The following MCOLN1 variants were observed in gnomAD, a reference collection of about 807,000 sequenced individuals.
MCOLN1 encodes the protein mucolipin-1.
MCOLN1 carries 50 observed loss-of-function variants against 70.3 expected under a neutral mutation model. That is an observed-to-expected ratio of 0.71 (90% CI 0.57 to 0.90). The LOEUF (loss-of-function observed/expected upper bound fraction) is 0.90, where lower values mean the gene tolerates loss of function less well. MCOLN1 is among the 40% of genes least tolerant of loss of function. The pLI is 0.00. For synonymous variants in MCOLN1, 366 were observed against 341.0 expected (o/e 1.07, Z -0.81); for missense variants, 598 against 803.5 (o/e 0.74, Z 3.09).
chr19:7,529,613 G>A lies in MCOLN1; in HGVS notation c.1260G>A (p.Val420=). The part of the protein sequence containing the change: ...NYNILIATLR[V]ALPSVMRFCC... ...AGATCCTCATCGCCACACTGCGGGT[G>A]GCCCTGCCCAGCGTCATGCGCTTCT... Residue 420 remains valine, a synonymous_variant, in exon 11 of 14, where the codon GTG becomes GTA. Transcript: ENST00000264079. The A allele has an allele frequency of 6.2e-7, 1 of 1,614,044 alleles. No individual in the cohort carries two copies. Among genetic ancestry groups the A allele is most frequent in the Non-Finnish European group, 8.5e-7 (1 of 1,179,974 alleles).
chr19:7,533,945 G>T lies in MCOLN1; in HGVS notation c.*150G>T. ...GACCTTTCGTGTCGGACCCTTGGGG[G>T]CGGGGAGACTGGGTGGGGAGGGTGT... On this transcript the variant is annotated 3_prime_UTR_variant, in exon 14 of 14. Coordinates refer to ENST00000264079, the MANE Select transcript of MCOLN1 (RefSeq NM_020533.3). 1.2e-6 allele frequency: 1 copy of T among 861,744 alleles called. No homozygotes were observed. The highest frequency in any genetic ancestry group is 1.9e-6 in the Non-Finnish European group (1 of 529,646). The allele number at this position is 861,744 out of a possible 1,614,324, so 53.4% of individuals were successfully genotyped here.
At position 7,526,643 on chromosome 19, in the gene MCOLN1, G is replaced by A. The variant is rs772567008; in HGVS notation, c.405+37G>A. ...CGGGCAGGTGCTGGTGGGCAGGCAGGTGCAGGTGGGCGGGCAGGTGCAGTT... is the reference window on the plus strand; with the variant it reads ...CGGGCAGGTGCTGGTGGGCAGGCAGATGCAGGTGGGCGGGCAGGTGCAGTT... On this transcript the variant is annotated intron_variant, in intron 3 of 13. Coordinates refer to ENST00000264079, the MANE Select transcript of MCOLN1 (RefSeq NM_020533.3). This position sits in a 1 kb window ranked among gnomAD's most constrained non-coding sequence, Gnocchi z 4.6. 8.1e-6 allele frequency: 13 copies of A among 1,599,388 alleles called. No homozygotes were observed. The East Asian group carries it at 2.5e-4, about 30-fold the overall frequency.
At chr19:7,527,764 C>A in intron 5 of MCOLN1, 100 bp from the exon 6 acceptor site, 1 of 1,168,708 alleles carries the variant, frequency 8.6e-7, no homozygotes, top group East Asian at 2.3e-5. Flanking sequence ...GAGCACTTCC[C>A]CTGCCAGCTG....
chr19:7,522,981 C>A (rs945349272), intron 1 of MCOLN1, among the ~76,000 whole-genome samples, 200 bp downstream of exon 1: 1 of 152,168 alleles, frequency 6.6e-6, no homozygotes, highest in Non-Finnish European at 1.5e-5. Context: ...TGAACCCAGG[C>A]TCTGCTGGGT....
Position 7,526,170 on chromosome 19 carries a change from A to G in MCOLN1, c.238-269A>G. ...TTAATGAACGTTAGTCCCTGCAGTG[A>G]GATAGATGAGTCCCCACCCTGTGTT... On this transcript the variant is annotated intron_variant, in intron 2 of 13. Transcript: ENST00000264079. This position sits in a 1 kb window ranked among gnomAD's most constrained non-coding sequence, Gnocchi z 4.6. 1 of 555,352 alleles carries G rather than the reference A, an allele frequency of 1.8e-6. No homozygotes were observed. The highest frequency in any genetic ancestry group is 3.3e-6 in the Non-Finnish European group (1 of 307,420). The allele number at this position is 555,352 out of a possible 1,614,324, so 34.4% of individuals were successfully genotyped here. A position where few individuals can be genotyped will look rare whatever the true frequency, so the allele number is the denominator to read the frequency against.
chr19:7,529,784 C>T, intron 11 of MCOLN1, 72 bp downstream of exon 11: 1 of 1,588,168 alleles, frequency 6.3e-7, no homozygotes, highest in South Asian at 1.1e-5. Context: ...CCCCAGATGA[C>T]CCCTTGGTGA....
intron 4 of MCOLN1, 64 bp from the exon 5 acceptor site, chr19:7,527,456 C>A: frequency 1.3e-6 from 1 of 794,786 alleles, no homozygotes; most frequent in Non-Finnish European, 2.3e-6. Context: ...CCACTGGGGA[C>A]TCTGGGGAGA....
In MCOLN1 at chr19:7,525,508, G is replaced by A. The variant is rs1468612441; in HGVS notation, c.237+342G>A. The A allele has an allele frequency of 2.8e-5, 9 of 318,772 alleles. No individual in the cohort carries two copies. The highest frequency in any genetic ancestry group is 1.4e-4 in the Admixed American group (3 of 20,796). 19.7% of individuals were successfully genotyped at this position (318,772 alleles called of 1,614,324 possible). On this transcript the variant is annotated intron_variant, in intron 2 of 13. Transcript: ENST00000264079. The surrounding 1 kb of genome is among the most constrained non-coding windows in gnomAD (Gnocchi z 4.2). ...ACTGTCTCAAAAAAAAAAAGAAGCC[G>A]ACTCTGAGGCTCAGAGAGGTTAGGA...
chr19:7,524,859 A>G lies in MCOLN1; in HGVS notation c.32-102A>G. Reference sequence around the variant, plus strand: ...CTCAGAGCTCTTCCTTGGCAGGAGCATGGGGACATGAAGATAGGGCGTGTG... The same window carrying G: ...CTCAGAGCTCTTCCTTGGCAGGAGCGTGGGGACATGAAGATAGGGCGTGTG... On this transcript the variant is annotated intron_variant, in intron 1 of 13. Transcript: ENST00000264079. This position sits in a 1 kb window ranked among gnomAD's most constrained non-coding sequence, Gnocchi z 4.1. 2 of 933,404 alleles carry G rather than the reference A, an allele frequency of 2.1e-6. No individual in the cohort carries two copies. Among genetic ancestry groups the G allele is most frequent in the Non-Finnish European group, 1.7e-6 (1 of 581,068 alleles). The allele number at this position is 933,404 out of a possible 1,614,324, so 57.8% of individuals were successfully genotyped here.
chr19:7,528,772 T>C lies in MCOLN1; in HGVS notation c.985-49T>C, dbSNP rs113636281. The stretch of plus-strand genomic sequence containing the variant: ...CCCTGGGGCGATAAAAGCCAGGGCT[T>C]TGAGGGTCCTGTGCCTGGTCAGGCC... On this transcript the variant is annotated intron_variant, in intron 8 of 13. Transcript: ENST00000264079. This position sits in a 1 kb window ranked among gnomAD's most constrained non-coding sequence, Gnocchi z 4.2. 1.0e-3 allele frequency: 1,650 copies of C among 1,614,144 alleles called. 18 individuals are homozygous for C. In the African/African-American group the frequency reaches 0.02, roughly 19 times the overall value.
rs1385573265 is a variant in MCOLN1 at position 7,526,281 on chromosome 19, A to G, written c.238-158A>G. On this transcript the variant is annotated intron_variant, in intron 2 of 13. Coordinates refer to ENST00000264079, the MANE Select transcript of MCOLN1 (RefSeq NM_020533.3). This position sits in a 1 kb window ranked among gnomAD's most constrained non-coding sequence, Gnocchi z 4.6. ...ATTAATCAAAGCAAAGAAATGCACA[A>G]GTGAAATCCGTGTTTGTGGCCCAAG... 28 of 829,872 alleles carry G rather than the reference A, an allele frequency of 3.4e-5. 1 individual carries two copies. In the South Asian group the frequency reaches 3.9e-4, roughly 11 times the overall value. The allele number at this position is 829,872 out of a possible 1,614,324, so 51.4% of individuals were successfully genotyped here. A position where few individuals can be genotyped will look rare whatever the true frequency, so the allele number is the denominator to read the frequency against.
Position 7,525,424 on chromosome 19 carries a change from C to T in MCOLN1, c.237+258C>T, listed in dbSNP as rs916020066. ...CAGGAGAATCGCTTGAATTGGGAGGCGGAGGTTGCCGTGAGCTGAAATCAT... is the reference window on the plus strand; with the variant it reads ...CAGGAGAATCGCTTGAATTGGGAGGTGGAGGTTGCCGTGAGCTGAAATCAT... On this transcript the variant is annotated intron_variant, in intron 2 of 13. Transcript: ENST00000264079. The surrounding 1 kb of genome is among the most constrained non-coding windows in gnomAD (Gnocchi z 4.2). 22 of 416,538 alleles carry T rather than the reference C, an allele frequency of 5.3e-5. No homozygotes were observed. Among genetic ancestry groups the T allele is most frequent in the Non-Finnish European group, 8.2e-5 (18 of 219,876 alleles). 25.8% of individuals were successfully genotyped at this position (416,538 alleles called of 1,614,324 possible).
chr19:7,529,194 A>T lies in MCOLN1; in HGVS notation c.1228A>T (p.Asn410Tyr). ...GVIRYLTFFH[N>Y]YNILIATLRV... is the part of the protein sequence containing the mutation. ...GATCCGCTACCTGACCTTCTTCCACAACTACAATGTGAGTTTTGCACATGC... is the reference window on the plus strand; with the variant it reads ...GATCCGCTACCTGACCTTCTTCCACTACTACAATGTGAGTTTTGCACATGC... Residue 410 changes from asparagine (N) to tyrosine (Y), a missense_variant, in exon 10 of 14, where the codon AAC (asparagine) becomes TAC (tyrosine). By Grantham distance (143) the Asn-to-Tyr change is moderately radical. Around this residue, in one of 3 missense-constraint regions of MCOLN1, gnomAD observed 461 missense variants for 588.4 expected, o/e 0.78. Coordinates refer to ENST00000264079, the MANE Select transcript of MCOLN1 (RefSeq NM_020533.3). 1.9e-6 allele frequency: 3 copies of T among 1,612,520 alleles called. No homozygotes were observed. Among genetic ancestry groups the T allele is most frequent in the Non-Finnish European group, 2.5e-6 (3 of 1,179,840 alleles).
rs1288283894 is a variant in MCOLN1 at position 7,526,920 on chromosome 19, G to T, written c.565G>T (p.Val189Phe). 3 of 1,614,138 alleles carry T rather than the reference G, an allele frequency of 1.9e-6. No homozygotes were observed. Among genetic ancestry groups the T allele is most frequent in the East Asian group, 4.5e-5 (2 of 44,888 alleles). Reference sequence around the variant, plus strand: ...CACATTTGACATTGATCCGATGGTGGTTACTGGTGAGTGGGCAGGACGAGG... The same window carrying T: ...CACATTTGACATTGATCCGATGGTGTTTACTGGTGAGTGGGCAGGACGAGG... ...NDTFDIDPMVVTDCIQVDPPE... is the reference protein window; with the variant it reads ...NDTFDIDPMVFTDCIQVDPPE... The change falls in exon 4 of 14, where the codon GTT becomes TTT. Residue 189 changes from valine to phenylalanine, a missense_variant. By Grantham distance (50) the Val-to-Phe change is conservative (BLOSUM62 -1). This residue lies in a region of MCOLN1 where 461 missense variants were observed against 588.4 expected (regional missense o/e 0.78). Coordinates refer to ENST00000264079, the MANE Select transcript of MCOLN1 (RefSeq NM_020533.3). The surrounding 1 kb of genome is among the most constrained non-coding windows in gnomAD (Gnocchi z 4.6).
At position 7,528,177 on chromosome 19, in the gene MCOLN1, C is replaced by T. The variant is rs761427815; in HGVS notation, c.797C>T (p.Ala266Val). The T allele has an allele frequency of 3.1e-6, 5 of 1,614,126 alleles. No homozygotes were observed. Among genetic ancestry groups the T allele is most frequent in the Non-Finnish European group, 4.2e-6 (5 of 1,179,976 alleles). Residue 266 changes from alanine (A) to valine (V), a missense_variant, in exon 7 of 14, where the codon GCA (alanine) becomes GTA (valine). Physicochemically the swap from Ala to Val is moderately conservative, Grantham distance 64 (BLOSUM62 0). Transcript: ENST00000264079. This position sits in a 1 kb window ranked among gnomAD's most constrained non-coding sequence, Gnocchi z 4.2. The stretch of plus-strand genomic sequence containing the variant: ...CCACAGATCACGTTTGACAACAAAG[C>T]ACACAGTGGGCGGATCCCCATCAGC... ...FSVLITFDNKAHSGRIPISLE... is the reference protein window; with the variant it reads ...FSVLITFDNKVHSGRIPISLE...
Position 7,526,768 on chromosome 19 carries a change from C to A in MCOLN1, c.413C>A (p.Ala138Glu), listed in dbSNP as rs142259322. ...CCCCTTCTCTGCCCACAGTACCTGG[C>A]GTTGCCTGACGTGTCACTGGGCCGG... The part of the protein sequence containing the change: ...AIFHAVDQYL[A>E]LPDVSLGRYA... Residue 138 changes from alanine (A) to glutamate (E), a missense_variant, in exon 4 of 14, where the codon GCG becomes GAG. By Grantham distance (107) the Ala-to-Glu change is moderately radical (BLOSUM62 -1). This residue lies in a region of MCOLN1 where 461 missense variants were observed against 588.4 expected (regional missense o/e 0.78). Transcript: ENST00000264079. The surrounding 1 kb of genome is among the most constrained non-coding windows in gnomAD (Gnocchi z 4.6). The A allele has an allele frequency of 6.2e-7, 1 of 1,613,940 alleles. No homozygotes were observed.
In MCOLN1 at chr19:7,530,508, C is replaced by T. The variant is rs201375224; in HGVS notation, c.1575+7C>T. 48 of 1,607,116 alleles carry T rather than the reference C, an allele frequency of 3.0e-5. No homozygotes were observed. Among genetic ancestry groups the T allele is most frequent in the East Asian group, 1.1e-4 (5 of 44,884 alleles). On this transcript the variant is annotated splice_region_variant and intron_variant, in intron 12 of 13. Coordinates refer to ENST00000264079, the MANE Select transcript of MCOLN1 (RefSeq NM_020533.3). ...CGCCTACGACACCATCAAGGTCAGC[C>T]GCATGCACCCAGCCCTGAGCTCGGG...
At position 7,533,673 on chromosome 19, in the gene MCOLN1, C is replaced by T; in HGVS notation, c.1706+20C>T. The stretch of plus-strand genomic sequence containing the variant: ...CGGAAGGTTCGAGTCCCGGGTCTGG[C>T]ACATTCAGATTGGAGGTTAGGGAAT... On this transcript the variant is annotated intron_variant, in intron 13 of 13. Transcript: ENST00000264079. 6.2e-7 allele frequency: 1 copy of T among 1,614,064 alleles called. No individual in the cohort carries two copies. Among genetic ancestry groups the T allele is most frequent in the Non-Finnish European group, 8.5e-7 (1 of 1,180,020 alleles).
rs755678180 is a variant in MCOLN1, at chr19:7,530,302, T to A, written c.1376T>A (p.Met459Lys). 1 of 1,613,324 alleles carries A rather than the reference T, an allele frequency of 6.2e-7. No individual in the cohort carries two copies. Among genetic ancestry groups the A allele is most frequent in the South Asian group, 1.1e-5 (1 of 91,088 alleles). ...CTCTGGCAGTTCCGCTCACTCTCCA[T>A]GGTGTCTGAGTGCCTGTTCTCGCTC... is the stretch of plus-strand genomic sequence containing the variant. ...PYHVKFRSLS[M>K]VSECLFSLIN... Residue 459 changes from methionine (M) to lysine (K), a missense_variant, in exon 12 of 14, where the codon ATG (methionine) becomes AAG (lysine). Around this residue, in one of 3 missense-constraint regions of MCOLN1, gnomAD observed 78 missense variants for 156.2 expected, o/e 0.50. Coordinates refer to ENST00000264079, the MANE Select transcript of MCOLN1 (RefSeq NM_020533.3).
Sources: gnomAD v4.1 joint callset for allele counts (sites outside exome capture counted in the v4.1 genomes callset) on GRCh38, gnomAD v4.1.1 for gene constraint, gnomAD v4.1.1 regional missense constraint, Gnocchi (gnomAD v3.1) non-coding constraint, MANE v1.5 for transcripts, NCBI Gene and HGNC (gene_info 2026-07-23, HGNC 2026-07-21) for gene names.